Variants in KCNH7 observed in about 807,000 individuals in gnomAD.
The protein encoded by KCNH7 is potassium voltage-gated channel subfamily H member 7.
A neutral mutation model predicts 120.8 loss-of-function variants in KCNH7; 49 were observed. The ratio of observed to expected loss-of-function variants is 0.41; its 90% confidence interval spans 0.32 to 0.51. The LOEUF (loss-of-function observed/expected upper bound fraction) is 0.51, where lower values mean the gene tolerates loss of function less well. KCNH7 is among the 20% of genes least tolerant of loss of function. The probability of loss-of-function intolerance (pLI) is 0.38; values close to 1 mark genes in which losing one functional copy is unlikely to be tolerated. For missense variants in KCNH7, 1,097 were observed against 1,446.6 expected (o/e 0.76, Z 3.92); for synonymous variants, 547 against 516.1 (o/e 1.06, Z -0.81).
chr2:162,413,001 G>A (rs567554712), intron 9 of KCNH7, among the ~76,000 whole-genome samples: 10 of 152,168 alleles, frequency 6.6e-5, no homozygotes, highest in Non-Finnish European at 1.0e-4. Context: ...AATTTAAAAA[G>A]TCATATATTT....
intron 2 of KCNH7, among the ~76,000 whole-genome samples, chr2:162,739,732 G>T (rs747313242): frequency 1.4e-4 from 21 of 152,112 alleles, no homozygotes; most frequent in African/African-American, 4.6e-4. Context: ...CATAGGGGTG[G>T]TTAGAGTCCC....
intron 6 of KCNH7, among the ~76,000 whole-genome samples, chr2:162,478,488 C>T (rs1192279422): frequency 6.6e-6 from 1 of 152,128 alleles, no homozygotes; most frequent in African/African-American, 2.4e-5. Flanking sequence ...AATATTTACT[C>T]TGTGATTCTT....
Position 162,558,238 on chromosome 2 carries a change from G to A in KCNH7, c.308-21158C>T, listed in dbSNP as rs75876685. On this transcript the variant is annotated intron_variant, in intron 2 of 15. Coordinates refer to ENST00000332142, the MANE Select transcript of KCNH7 (RefSeq NM_033272.4). Reference sequence around the variant, plus strand: ...TGGCCAGGCTGGAGTACAGTGGCACGATCTCGGCTCACTTCAAGCTCTGCC... The same window carrying A: ...TGGCCAGGCTGGAGTACAGTGGCACAATCTCGGCTCACTTCAAGCTCTGCC... Among the ~76,000 whole-genome samples the A allele has an allele frequency of 3.7e-3, 555 of 151,566 alleles. 23 individuals carry two copies. In the East Asian group the frequency reaches 0.096, roughly 26 times the overall value.
intron 3 of KCNH7, chr2:162,527,815 A>G (rs1691765756): frequency 6.6e-6 from 1 of 152,024 alleles, no homozygotes; most frequent in Admixed American, 6.6e-5. Context: ...AAAAATTACT[A>G]TAAGATACTT....
intron 6 of KCNH7, among the ~76,000 whole-genome samples, chr2:162,488,727 G>T (rs774682859): frequency 3.3e-5 from 5 of 152,144 alleles, no homozygotes; most frequent in Non-Finnish European, 5.9e-5. Context: ...GCACTGTTTT[G>T]CAGTGTTCTT....
intron 6 of KCNH7, among the ~76,000 whole-genome samples, chr2:162,458,104 C>CGT (rs139079136): frequency 0.14 from 18,102 of 130,780 alleles, 2,065 homozygotes; most frequent in African/African-American, 0.34. Flanking sequence ...TGGCTATGTG[C>CGT]GTGTGTGTGT....
At chr2:162,558,616 A>G (rs1317711481) in intron 2 of KCNH7, among the ~76,000 whole-genome samples, 1 of 150,034 alleles carries the variant, frequency 6.7e-6, no homozygotes, top group Non-Finnish European at 1.5e-5. Context: ...GGTAAGTTAC[A>G]TGACCTTTTA....
At chr2:162,504,032 A>G (rs1312987739) in intron 6 of KCNH7, among the ~76,000 whole-genome samples, 2 of 152,040 alleles carry the variant, frequency 1.3e-5, no homozygotes, top group African/African-American at 4.8e-5. Flanking sequence ...TCTATTTAGT[A>G]GAGTAAGTCC....
At chr2:162,518,946 T>C (rs1691420517) in intron 3 of KCNH7, among the ~76,000 whole-genome samples, 1 of 151,258 alleles carries the variant, frequency 6.6e-6, no homozygotes, top group Non-Finnish European at 1.5e-5. Context: ...TATTAACTAA[T>C]AAATATAACA....
chr2:162,711,150 T>G (rs1231009348), intron 2 of KCNH7, among the ~76,000 whole-genome samples: 5 of 152,226 alleles, frequency 3.3e-5, no homozygotes, highest in African/African-American at 9.6e-5. Flanking sequence ...CCAGAGTTAT[T>G]AAGGGGAAAT....
intron 12 of KCNH7, among the ~76,000 whole-genome samples, chr2:162,386,513 A>C (rs1686576244): frequency 6.6e-6 from 1 of 151,830 alleles, no homozygotes; most frequent in South Asian, 2.1e-4. Context: ...GAATTGCACC[A>C]GTTTGCTCTT....
intron 4 of KCNH7, among the ~76,000 whole-genome samples, chr2:162,513,590 T>A (rs1691187843): frequency 6.6e-6 from 1 of 151,302 alleles, no homozygotes; most frequent in Non-Finnish European, 1.5e-5. Flanking sequence ...GGCTCAAGAA[T>A]CCTCGTGCCT....
intron 2 of KCNH7, among the ~76,000 whole-genome samples, chr2:162,579,130 T>C (rs1047582214): frequency 6.6e-6 from 1 of 151,990 alleles, no homozygotes; most frequent in Admixed American, 6.6e-5. Flanking sequence ...CCTTGAGTCA[T>C]ATAAATAATT....
At chr2:162,602,834 T>C (rs969318095) in intron 2 of KCNH7, among the ~76,000 whole-genome samples, 2 of 151,758 alleles carry the variant, frequency 1.3e-5, no homozygotes, top group Non-Finnish European at 2.9e-5. Context: ...TTCTAGATAT[T>C]ACAAAATGTC....
intron 2 of KCNH7, among the ~76,000 whole-genome samples, chr2:162,741,114 C>A (rs527514323): frequency 1.3e-5 from 2 of 152,034 alleles, no homozygotes; most frequent in African/African-American, 4.8e-5. Flanking sequence ...AAATTAAAGC[C>A]ATGCTTTGGA....
At chr2:162,374,517 AT>A (rs1686090888) in intron 14 of KCNH7, among the ~76,000 whole-genome samples, 1 of 152,190 alleles carries the variant, frequency 6.6e-6, no homozygotes, top group Non-Finnish European at 1.5e-5. Flanking sequence ...TCTTTAGAAA[AT>A]TCTTCTAACT....
chr2:162,703,044 G>A (rs1469971237), intron 2 of KCNH7, among the ~76,000 whole-genome samples: 1 of 152,082 alleles, frequency 6.6e-6, no homozygotes, highest in Non-Finnish European at 1.5e-5. Context: ...CAAAGACCTG[G>A]ATTATCACCA....
chr2:162,820,367 C>T (rs1037882866), intron 2 of KCNH7, among the ~76,000 whole-genome samples: 1 of 151,884 alleles, frequency 6.6e-6, no homozygotes, highest in South Asian at 2.1e-4. Flanking sequence ...TGAGCCACCA[C>T]GCACAGCCTA....
intron 2 of KCNH7, among the ~76,000 whole-genome samples, chr2:162,604,871 T>C (rs966840432): frequency 1.3e-5 from 2 of 152,130 alleles, no homozygotes; most frequent in Non-Finnish European, 2.9e-5. Context: ...AAGAAAAGTC[T>C]ATGTTCAAAA....
Sources: allele counts gnomAD v4.1 joint callset (sites outside exome capture counted in the v4.1 genomes callset), GRCh38; gene constraint gnomAD v4.1.1; transcripts MANE v1.5; gene names NCBI Gene and HGNC (gene_info 2026-07-23, HGNC 2026-07-21).